The following FCHSD2 variants were observed in gnomAD, a reference collection of about 807,000 sequenced individuals.
FCHSD2 encodes F-BAR and double SH3 domains protein 2.
FCHSD2 carries 38 observed loss-of-function variants against 108.1 expected under a neutral mutation model. The observed-to-expected ratio is 0.35, with a 90% CI of 0.27 to 0.46. The LOEUF is 0.46. Among genes scored for constraint, FCHSD2 ranks in the 20% least tolerant of loss-of-function variants. The pLI, the probability that FCHSD2 is intolerant of heterozygous loss-of-function variation, is 1.00. For missense variants in FCHSD2, 751 were observed against 897.8 expected (o/e 0.84, Z 2.09); for synonymous variants, 279 against 314.7 (o/e 0.89, Z 1.20).
intron 9 of FCHSD2, among the ~76,000 whole-genome samples, chr11:72,908,197 G>T (rs779794054): frequency 1.3e-5 from 2 of 152,100 alleles, no homozygotes; most frequent in African/African-American, 2.4e-5. Context: ...CTATGTTGTT[G>T]TAAATGACAG....
intron 8 of FCHSD2, among the ~76,000 whole-genome samples, chr11:72,969,739 C>T (rs560414917): frequency 4.6e-5 from 7 of 152,124 alleles, no homozygotes; most frequent in Non-Finnish European, 7.4e-5. Context: ...ATTATAAAGC[C>T]ATGTCTGAAA....
At chr11:72,886,252 T>C (rs1437105274) in intron 12 of FCHSD2, among the ~76,000 whole-genome samples, 3 of 152,174 alleles carry the variant, frequency 2.0e-5, no homozygotes, top group African/African-American at 7.2e-5. Flanking sequence ...ATCTGACTAT[T>C]AGAAAGTATT....
intron 8 of FCHSD2, chr11:72,940,814 C>T: frequency 2.3e-6 from 2 of 865,012 alleles, no homozygotes; most frequent in Middle Eastern, 3.4e-4. Context: ...GAGGAGTGAG[C>T]TGGATGCCAC....
chr11:73,084,094 C>T (rs1859759243), intron 2 of FCHSD2, among the ~76,000 whole-genome samples: 1 of 152,160 alleles, frequency 6.6e-6, no homozygotes, highest in Non-Finnish European at 1.5e-5. Context: ...ATAGTGCCTA[C>T]CACACAGTAA....
At chr11:72,965,311 C>A (rs978000377) in intron 8 of FCHSD2, among the ~76,000 whole-genome samples, 3 of 152,182 alleles carry the variant, frequency 2.0e-5, no homozygotes, top group Non-Finnish European at 4.4e-5. Flanking sequence ...ATTTGCCTGT[C>A]TTCCAGGAAA....
chr11:73,125,298 C>T (rs974539274), intron 2 of FCHSD2, among the ~76,000 whole-genome samples: 5 of 152,144 alleles, frequency 3.3e-5, no homozygotes, highest in East Asian at 1.9e-4. Flanking sequence ...CATTATATTA[C>T]GAGGTTTATA....
At chr11:73,002,358 T>C (rs949430548) in intron 4 of FCHSD2, among the ~76,000 whole-genome samples, 10 of 152,310 alleles carry the variant, frequency 6.6e-5, no homozygotes, top group Non-Finnish European at 1.2e-4. Context: ...AAAGATTCAA[T>C]GTGTTGCACC....
At chr11:73,004,057 C>T (rs984377236) in intron 4 of FCHSD2, among the ~76,000 whole-genome samples, 1 of 130,036 alleles carries the variant, frequency 7.7e-6, no homozygotes, top group East Asian at 2.4e-4. Context: ...TGCAGTGAGC[C>T]GAGATAGTGC....
intron 3 of FCHSD2, among the ~76,000 whole-genome samples, chr11:73,032,918 A>G (rs1158383049): frequency 6.6e-6 from 1 of 152,196 alleles, no homozygotes; most frequent in Non-Finnish European, 1.5e-5. Context: ...CAAGCTTGCG[A>G]GCAGTGCAGT....
chr11:72,895,158 G>A (rs950959395), intron 10 of FCHSD2, among the ~76,000 whole-genome samples: 1 of 152,206 alleles, frequency 6.6e-6, no homozygotes, highest in African/African-American at 2.4e-5. Context: ...TAATTGTTGA[G>A]TGTGCCTGGC....
chr11:73,068,412 T>C (rs1368475953), intron 3 of FCHSD2, among the ~76,000 whole-genome samples: 1 of 151,584 alleles, frequency 6.6e-6, no homozygotes, highest in African/African-American at 2.4e-5. Context: ...ATGCTGAGCT[T>C]AATACCTGGA....
At chr11:73,049,741 T>C (rs1312728580) in intron 3 of FCHSD2, among the ~76,000 whole-genome samples, 1 of 150,832 alleles carries the variant, frequency 6.6e-6, no homozygotes, top group Non-Finnish European at 1.5e-5. Flanking sequence ...AGTTGGATAA[T>C]TCTTTTATAC....
chr11:73,093,387 C>T (rs374539465), intron 2 of FCHSD2, among the ~76,000 whole-genome samples: 1 of 152,178 alleles, frequency 6.6e-6, no homozygotes, highest in East Asian at 1.9e-4. Flanking sequence ...AATTGCAAGT[C>T]GTGTCAGAAG....
intron 10 of FCHSD2, among the ~76,000 whole-genome samples, chr11:72,892,357 G>C (rs1344596105): frequency 6.6e-6 from 1 of 152,106 alleles, no homozygotes; most frequent in African/African-American, 2.4e-5. Flanking sequence ...AGATCCTTTG[G>C]GTAGGGAATG....
At chr11:73,078,881 C>T (rs1859617265) in intron 3 of FCHSD2, among the ~76,000 whole-genome samples, 1 of 152,036 alleles carries the variant, frequency 6.6e-6, no homozygotes, top group South Asian at 2.1e-4. Context: ...CCTCGCCTGG[C>T]TAATTTTTTT....
At chr11:72,908,192 T>C (rs528905318) in intron 9 of FCHSD2, among the ~76,000 whole-genome samples, 1 of 152,358 alleles carries the variant, frequency 6.6e-6, no homozygotes, top group East Asian at 1.9e-4. Flanking sequence ...TTTATCTATG[T>C]TGTTGTAAAT....
intron 8 of FCHSD2, among the ~76,000 whole-genome samples, chr11:72,971,567 T>C (rs899966704): frequency 6.6e-6 from 1 of 152,138 alleles, no homozygotes; most frequent in Non-Finnish European, 1.5e-5. Flanking sequence ...GAGAATTATG[T>C]ACAAAGGACC....
chr11:72,960,803 G>C (rs540569057), intron 8 of FCHSD2, among the ~76,000 whole-genome samples: 1 of 152,272 alleles, frequency 6.6e-6, no homozygotes, highest in South Asian at 2.1e-4. Flanking sequence ...AATACACTCT[G>C]ATAATAAGAA....
chr11:73,065,019 C>T (rs916784883), intron 3 of FCHSD2, among the ~76,000 whole-genome samples: 8 of 152,162 alleles, frequency 5.3e-5, no homozygotes, highest in Non-Finnish European at 8.8e-5. Context: ...AGGCCAGCAT[C>T]ATCCTGATAC....
Sources: gnomAD v4.1 joint callset for allele counts (sites outside exome capture counted in the v4.1 genomes callset) on GRCh38, gnomAD v4.1.1 for gene constraint, MANE v1.5 for transcripts, NCBI Gene and HGNC (gene_info 2026-07-23, HGNC 2026-07-21) for gene names.